FAM234B: variants seen among roughly 807,000 people sequenced by gnomAD.
FAM234B encodes family with sequence similarity 234 member B, also known as protein FAM234B.
A neutral mutation model predicts 69.3 loss-of-function variants in FAM234B; 33 were observed. The observed-to-expected ratio is 0.48, with a 90% CI of 0.36 to 0.64. FAM234B has a LOEUF of 0.64. FAM234B is among the 30% of genes least tolerant of loss of function. The pLI, the probability that FAM234B is intolerant of heterozygous loss-of-function variation, is 0.00. For synonymous variants in FAM234B, 306 were observed against 306.9 expected (o/e 1.00, Z 0.03); for missense variants, 697 against 769.7 (o/e 0.91, Z 1.12).
In FAM234B at chr12:13,044,461, G is replaced by C. The variant is rs1456611772; in HGVS notation, c.37+21G>C. ...GCCGGGTAAGGAGTCGCATGCTTGC[G>C]ACCACCCAGTCCCCGCCGGTGTTGG... On this transcript the variant is annotated intron_variant, in intron 1 of 12. Transcript: ENST00000197268. This position sits in a 1 kb window ranked among gnomAD's most constrained non-coding sequence, Gnocchi z 5.6. 2 of 1,550,508 alleles carry C rather than the reference G, an allele frequency of 1.3e-6. No homozygotes were observed. The highest frequency in any genetic ancestry group is 2.0e-5 in the Admixed American group (1 of 51,038).
At chr12:13,050,628 C>T (rs955805859) in intron 1 of FAM234B, among the ~76,000 whole-genome samples, 27 of 152,004 alleles carry the variant, frequency 1.8e-4, no homozygotes, top group Admixed American at 6.5e-5. Context: ...CAGTCAGATG[C>T]CTGGGTTTGA....
At position 13,055,600 on chromosome 12, in the gene FAM234B, C is replaced by T. The variant is rs770088416; in HGVS notation, c.87C>T (p.Asp29=). ...LGEYDPLTQA[D]SDESEDDLVL... ...AGTATGATCCACTTACCCAGGCTGA[C>T]AGTGATGAGAGCGAAGACGATCTGG... The change falls in exon 2 of 13, where the codon GAC becomes GAT. Residue 29 remains aspartate, a synonymous_variant. Coordinates refer to ENST00000197268, the MANE Select transcript of FAM234B (RefSeq NM_020853.2). The T allele has an allele frequency of 8.7e-6, 14 of 1,613,504 alleles. No homozygotes were observed. The highest frequency in any genetic ancestry group is 1.2e-5 in the Non-Finnish European group (14 of 1,179,484).
intron 9 of FAM234B, 25 bp from the exon 10 acceptor site, chr12:13,071,216 T>C (rs1296450683): frequency 9.9e-6 from 16 of 1,612,790 alleles, no homozygotes; most frequent in Non-Finnish European, 1.4e-5. Flanking sequence ...CTGGCCATGT[T>C]TACTGTCTGT....
At chr12:13,080,052 C>T in intron 12 of FAM234B, 43 bp downstream of exon 12, 1 of 1,362,306 alleles carries the variant, frequency 7.3e-7, no homozygotes, top group Non-Finnish European at 1.0e-6. Context: ...GGGTTTAGGA[C>T]AAATACTACC....
intron 3 of FAM234B, among the ~76,000 whole-genome samples, chr12:13,059,653 G>A (rs1198988699): frequency 6.6e-6 from 1 of 152,146 alleles, no homozygotes; most frequent in African/African-American, 2.4e-5. Flanking sequence ...ATGTCTAGGT[G>A]TGTTTTAGAG....
Position 13,062,844 on chromosome 12 carries a change from G to A in FAM234B, c.722-1G>A. ...TGACCAGCCTATGTGTCCTTCCTCAGGGAAAGCCATTTGGACTTTAAACCC... is the reference window on the plus strand; with the variant it reads ...TGACCAGCCTATGTGTCCTTCCTCAAGGAAAGCCATTTGGACTTTAAACCC... On this transcript the variant is annotated splice_acceptor_variant, in intron 4 of 12. Coordinates refer to ENST00000197268, the MANE Select transcript of FAM234B (RefSeq NM_020853.2). LOFTEE classifies it high-confidence loss of function. 1 of 1,613,808 alleles carries A rather than the reference G, an allele frequency of 6.2e-7. No homozygotes were observed. Among genetic ancestry groups the A allele is most frequent in the Non-Finnish European group, 8.5e-7 (1 of 1,179,818 alleles).
chr12:13,068,107 T>TG (rs1373023544), intron 7 of FAM234B, among the ~76,000 whole-genome samples, 197 bp from the exon 8 acceptor site: 2 of 152,228 alleles, frequency 1.3e-5, no homozygotes, highest in Admixed American at 6.5e-5. Context: ...TGGAATTTTC[T>TG]GGGGATCCTT....
At chr12:13,057,227 C>T (rs528826744) in intron 2 of FAM234B, among the ~76,000 whole-genome samples, 31 of 152,286 alleles carry the variant, frequency 2.0e-4, no homozygotes, top group African/African-American at 6.7e-4. Flanking sequence ...ATCCACCCAC[C>T]TCGGCCTCCC....
rs185950440 is a variant in FAM234B, at chr12:13,044,933, C to T, written c.37+493C>T. 2.5e-3 allele frequency among the ~76,000 whole-genome samples: 379 copies of T among 152,280 alleles called. 1 individual carries two copies. Among genetic ancestry groups the T allele is most frequent in the Non-Finnish European group, 4.0e-3 (273 of 68,018 alleles). On this transcript the variant is annotated intron_variant, in intron 1 of 12. Coordinates refer to ENST00000197268, the MANE Select transcript of FAM234B (RefSeq NM_020853.2). This position sits in a 1 kb window ranked among gnomAD's most constrained non-coding sequence, Gnocchi z 5.6. ...GGTGGGACAGGTATTTACGTCCCTT[C>T]CTAGTTTACAGAAGAGAAAATGAGA...
chr12:13,053,407 T>C (rs911664221), intron 1 of FAM234B, among the ~76,000 whole-genome samples: 5 of 152,194 alleles, frequency 3.3e-5, no homozygotes, highest in Admixed American at 3.3e-4. Context: ...GTAGGTTCTT[T>C]CTATTTTCCT....
chr12:13,061,897 T>A (rs1443489932), intron 4 of FAM234B, 134 bp downstream of exon 4: 5 of 730,416 alleles, frequency 6.8e-6, no homozygotes, highest in Non-Finnish European at 1.1e-5. Flanking sequence ...ATATGGTTAT[T>A]AAGAGAAATG....
chr12:13,049,393 T>A (rs748833091), intron 1 of FAM234B, among the ~76,000 whole-genome samples: 2 of 152,232 alleles, frequency 1.3e-5, no homozygotes, highest in Non-Finnish European at 2.9e-5. Flanking sequence ...TTGGCCGGGC[T>A]GGTCTTGAAG....
At chr12:13,052,352 T>G (rs1199178132) in intron 1 of FAM234B, among the ~76,000 whole-genome samples, 1 of 152,100 alleles carries the variant, frequency 6.6e-6, no homozygotes, top group East Asian at 1.9e-4. Flanking sequence ...TATGTGATCT[T>G]TAAGGTCTCT....
At chr12:13,048,522 TC>T in intron 1 of FAM234B, among the ~76,000 whole-genome samples, 1 of 90,268 alleles carries the variant, frequency 1.1e-5, no homozygotes, top group Non-Finnish European at 2.0e-5. Flanking sequence ...TCTGTTATCC[TC>T]TTTTCTGTTA....
At position 13,082,727 on chromosome 12, in the gene FAM234B, T is replaced by C. The variant is rs1023441884; in HGVS notation, c.*2097T>C. On this transcript the variant is annotated 3_prime_UTR_variant, in exon 13 of 13. Transcript: ENST00000197268. The stretch of plus-strand genomic sequence containing the variant: ...CCGGGCATAACCTGGTTCTCTGTTA[T>C]GTTAAGGCTTTCTGGGAAGCCAGCC... 5.9e-5 allele frequency: 9 copies of C among 152,178 alleles called. No individual in the cohort carries two copies. In the East Asian group the frequency reaches 1.5e-3, roughly 26 times the overall value. 9.4% of individuals were successfully genotyped at this position (152,178 alleles called of 1,614,324 possible). A position where few individuals can be genotyped will look rare whatever the true frequency, so the allele number is the denominator to read the frequency against.
chr12:13,059,350 T>A (rs1276453783), intron 3 of FAM234B, among the ~76,000 whole-genome samples: 1 of 152,236 alleles, frequency 6.6e-6, no homozygotes, highest in Non-Finnish European at 1.5e-5. Flanking sequence ...GCACTATCAC[T>A]TGTGGTGTTT....
chr12:13,079,494 T>C (rs922498349), intron 11 of FAM234B, among the ~76,000 whole-genome samples: 4 of 152,254 alleles, frequency 2.6e-5, no homozygotes, highest in African/African-American at 9.6e-5. Context: ...CTTGCTTTTC[T>C]ACTGAATTCT....
intron 1 of FAM234B, among the ~76,000 whole-genome samples, chr12:13,051,578 A>G (rs1300151777): frequency 6.6e-6 from 1 of 152,230 alleles, no homozygotes; most frequent in Non-Finnish European, 1.5e-5. Context: ...GTTGTTTGCT[A>G]TCTGGAGTAG....
Position 13,067,356 on chromosome 12 carries a change from A to T in FAM234B, c.1142+60A>T. 5.0e-6 allele frequency: 8 copies of T among 1,590,904 alleles called. No individual in the cohort carries two copies. Among genetic ancestry groups the T allele is most frequent in the Non-Finnish European group, 6.9e-6 (8 of 1,161,408 alleles). ...TCTCTTGTGAACTCACATGCCTTTG[A>T]GTCTCTAAGTTTGGTTGGGCTGGTG... On this transcript the variant is annotated intron_variant, in intron 7 of 12. Coordinates refer to ENST00000197268, the MANE Select transcript of FAM234B (RefSeq NM_020853.2). The surrounding 1 kb of genome is among the most constrained non-coding windows in gnomAD (Gnocchi z 4.7).
Sources: gnomAD v4.1 joint callset for allele counts (sites outside exome capture counted in the v4.1 genomes callset) on GRCh38, gnomAD v4.1.1 for gene constraint, Gnocchi (gnomAD v3.1) non-coding constraint, MANE v1.5 for transcripts, NCBI Gene and HGNC (gene_info 2026-07-23, HGNC 2026-07-21) for gene names.